COL25A1: variants seen among roughly 807,000 people sequenced by gnomAD.
COL25A1 encodes collagen alpha-1(XXV) chain.
In COL25A1, 103 loss-of-function variants were observed where a neutral mutation model predicts 128.4. The observed-to-expected ratio is 0.80, with a 90% CI of 0.68 to 0.94. The LOEUF is 0.94. COL25A1 is among the 40% of genes least tolerant of loss of function. The pLI, the probability that COL25A1 is intolerant of heterozygous loss-of-function variation, is 0.00. For missense variants in COL25A1, 745 were observed against 840.0 expected (o/e 0.89, Z 1.40); for synonymous variants, 279 against 277.2 (o/e 1.01, Z -0.06).
At chr4:108,886,489 TG>T (rs1560806571) in intron 18 of COL25A1, among the ~76,000 whole-genome samples, 1,928 of 92,100 alleles carry the variant, frequency 0.021, 111 homozygotes, top group African/African-American at 0.051. Flanking sequence ...TGTGTGTGTG[TG>T]TGTTTAGCTC....
intron 3 of COL25A1, among the ~76,000 whole-genome samples, chr4:109,057,825 A>G (rs981177820): frequency 6.6e-6 from 1 of 152,142 alleles, no homozygotes; most frequent in Admixed American, 6.6e-5. Flanking sequence ...GGTTTAAATG[A>G]AGCATGTCAA....
chr4:108,844,410 A>G lies in COL25A1; in HGVS notation c.1629+109T>C, dbSNP rs899607496. ...ACCTGGTATTTTCCATCCATTCCAC[A>G]GAGAGTAGTACAAAATACAAGCTGG... is the stretch of plus-strand genomic sequence containing the variant. On this transcript the variant is annotated intron_variant, in intron 30 of 37. Coordinates refer to ENST00000399132, the MANE Select transcript of COL25A1 (RefSeq NM_198721.4). 8 of 1,577,928 alleles carry G rather than the reference A, an allele frequency of 5.1e-6. No individual in the cohort carries two copies. In the African/African-American group the frequency reaches 5.4e-5, roughly 11 times the overall value.
chr4:109,062,983 G>C (rs1762102643), intron 3 of COL25A1, among the ~76,000 whole-genome samples: 1 of 152,214 alleles, frequency 6.6e-6, no homozygotes, highest in African/African-American at 2.4e-5. Context: ...ATAGCCATGA[G>C]TGCCTATGCC....
chr4:108,849,043 C>T (rs149306296), intron 26 of COL25A1, among the ~76,000 whole-genome samples: 1 of 151,940 alleles, frequency 6.6e-6, no homozygotes, highest in South Asian at 2.1e-4. Context: ...TATTTTTTCT[C>T]CATGTGAGAT....
At chr4:108,974,663 A>C in intron 6 of COL25A1, 104 bp from the exon 7 acceptor site, 1 of 927,244 alleles carries the variant, frequency 1.1e-6, no homozygotes, top group Non-Finnish European at 1.6e-6. Context: ...ATACAGAGAT[A>C]GCTGTCAATG....
chr4:108,996,204 G>A (rs1681492466), intron 6 of COL25A1, among the ~76,000 whole-genome samples: 1 of 151,338 alleles, frequency 6.6e-6, no homozygotes, highest in South Asian at 2.1e-4. Context: ...ACCCATCGGT[G>A]TGCTGTATTC....
At chr4:109,096,147 A>C (rs894925756) in intron 3 of COL25A1, among the ~76,000 whole-genome samples, 3 of 152,212 alleles carry the variant, frequency 2.0e-5, no homozygotes, top group Admixed American at 1.3e-4. Flanking sequence ...CATGCATAGC[A>C]AAATAATGTA....
At chr4:108,916,450 ATGT>A (rs1744880075) in intron 13 of COL25A1, among the ~76,000 whole-genome samples, 1 of 152,182 alleles carries the variant, frequency 6.6e-6, no homozygotes, top group Non-Finnish European at 1.5e-5. Context: ...GAAAGAGTGT[ATGT>A]GACAGTTTTA....
intron 37 of COL25A1, among the ~76,000 whole-genome samples, chr4:108,815,095 G>A (rs766196455): frequency 6.6e-6 from 1 of 152,012 alleles, no homozygotes; most frequent in Non-Finnish European, 1.5e-5. Flanking sequence ...AACTCTTCTT[G>A]TGTTGGTAAA....
intron 6 of COL25A1, among the ~76,000 whole-genome samples, chr4:109,001,182 T>C (rs1755327451): frequency 6.6e-6 from 1 of 152,182 alleles, no homozygotes; most frequent in African/African-American, 2.4e-5. Flanking sequence ...ATCAGAACTA[T>C]GATATATAAT....
At chr4:108,856,171 G>A (rs1409297114) in intron 24 of COL25A1, among the ~76,000 whole-genome samples, 2 of 152,038 alleles carry the variant, frequency 1.3e-5, no homozygotes, top group African/African-American at 2.4e-5. Flanking sequence ...GCTTAAACTC[G>A]CCCACGATTC....
At chr4:109,173,381 T>C (rs1010468034) in intron 3 of COL25A1, among the ~76,000 whole-genome samples, 2 of 152,212 alleles carry the variant, frequency 1.3e-5, no homozygotes, top group African/African-American at 4.8e-5. Context: ...GGAATTCTGA[T>C]GTCCAAGATA....
At chr4:109,134,421 T>G (rs1286198944) in intron 3 of COL25A1, among the ~76,000 whole-genome samples, 1 of 152,146 alleles carries the variant, frequency 6.6e-6, no homozygotes, top group African/African-American at 2.4e-5. Context: ...AGGACAGCAA[T>G]TCTCAATCTC....
chr4:109,245,643 C>A (rs1244241427), intron 3 of COL25A1, among the ~76,000 whole-genome samples: 1 of 152,014 alleles, frequency 6.6e-6, no homozygotes, highest in Non-Finnish European at 1.5e-5. Context: ...ATGAGTACAG[C>A]GGCAGCTACC....
intron 8 of COL25A1, among the ~76,000 whole-genome samples, chr4:108,951,203 T>C (rs544429431): frequency 4.0e-5 from 6 of 151,834 alleles, no homozygotes; most frequent in Non-Finnish European, 8.8e-5. Flanking sequence ...AAGAGGGAAG[T>C]AGTGGAAAGC....
At chr4:108,916,726 T>C (rs1744917640) in intron 13 of COL25A1, among the ~76,000 whole-genome samples, 1 of 152,190 alleles carries the variant, frequency 6.6e-6, no homozygotes, top group South Asian at 2.1e-4. Context: ...CTCCATGATC[T>C]GCAATATTCT....
intron 3 of COL25A1, among the ~76,000 whole-genome samples, chr4:109,177,443 G>A (rs1774205925): frequency 6.6e-6 from 1 of 152,200 alleles, no homozygotes; most frequent in African/African-American, 2.4e-5. Flanking sequence ...CGTTACTCCA[G>A]GGACAAAAGC....
At chr4:109,180,954 T>C (rs1437184128) in intron 3 of COL25A1, among the ~76,000 whole-genome samples, 1 of 152,190 alleles carries the variant, frequency 6.6e-6, no homozygotes, top group Non-Finnish European at 1.5e-5. Flanking sequence ...TAGAATCAAA[T>C]ATATAATGTC....
rs17039527 is a variant in COL25A1 at position 108,907,466 on chromosome 4, C to A, written c.781-6294G>T. Among the ~76,000 whole-genome samples the A allele has an allele frequency of 5.2e-3, 790 of 152,244 alleles. 29 individuals are homozygous for A. In the East Asian group the frequency reaches 0.088, roughly 17 times the overall value. On this transcript the variant is annotated intron_variant, in intron 13 of 37. Coordinates refer to ENST00000399132, the MANE Select transcript of COL25A1 (RefSeq NM_198721.4). Reference sequence around the variant, plus strand: ...ATAAATTTTCATGTCATCTAAAGTTCCCCAAAGACCCTCTCAGAATTTACA... The same window carrying A: ...ATAAATTTTCATGTCATCTAAAGTTACCCAAAGACCCTCTCAGAATTTACA...
Sources: gnomAD v4.1 joint callset for allele counts (sites outside exome capture counted in the v4.1 genomes callset) on GRCh38, gnomAD v4.1.1 for gene constraint, MANE v1.5 for transcripts, NCBI Gene and HGNC (gene_info 2026-07-23, HGNC 2026-07-21) for gene names.